The following TRAPPC9 variants were observed in gnomAD, a reference collection of about 807,000 sequenced individuals.
TRAPPC9 encodes the protein trafficking protein particle complex subunit 9, also known as IKK2 binding protein.
TRAPPC9 carries 83 observed loss-of-function variants against 124.0 expected under a neutral mutation model. The ratio of observed to expected loss-of-function variants is 0.67; its 90% CI spans 0.56 to 0.80. The LOEUF (loss-of-function observed/expected upper bound fraction) is 0.80, where lower values mean the gene tolerates loss of function less well. Ranked by LOEUF, TRAPPC9 falls within the 30% of genes least tolerant of loss-of-function variation. TRAPPC9 has a pLI of 0.00. For synonymous variants in TRAPPC9, 638 were observed against 617.5 expected, an observed-to-expected ratio of 1.03 and a Z score of -0.49; for missense variants, 1,302 against 1,508.3, an observed-to-expected ratio of 0.86 and a Z score of 2.27.
intron 21 of TRAPPC9, among the ~76,000 whole-genome samples, chr8:139,733,574 T>G (rs1013503621): frequency 1.3e-5 from 2 of 152,164 alleles, no homozygotes; most frequent in African/African-American, 4.8e-5. Flanking sequence ...TGCGTGGCCC[T>G]GGGAGCCAGC....
At chr8:140,110,744 TCCCCCTACAGTA>T (rs2130494323) in intron 17 of TRAPPC9, among the ~76,000 whole-genome samples, 1 of 7,792 alleles carries the variant, frequency 1.3e-4, no homozygotes, top group African/African-American at 6.2e-4. Context: ...CCCCTTATGC[TCCCCCTACAGTA>T]GCTCCCCCTG....
chr8:140,370,065 A>T (rs1427326648), intron 8 of TRAPPC9, among the ~76,000 whole-genome samples: 2 of 152,002 alleles, frequency 1.3e-5, no homozygotes, highest in Non-Finnish European at 1.5e-5. Flanking sequence ...TACCTTCACT[A>T]GCTCTAGGCT....
intron 17 of TRAPPC9, among the ~76,000 whole-genome samples, chr8:140,038,991 C>T (rs1169445163): frequency 1.3e-5 from 2 of 152,122 alleles, no homozygotes; most frequent in East Asian, 3.9e-4. Flanking sequence ...AGGAGCGGAG[C>T]GAGAAGGGGC....
intron 9 of TRAPPC9, among the ~76,000 whole-genome samples, chr8:140,350,264 C>T (rs1019644569): frequency 6.6e-6 from 1 of 152,228 alleles, no homozygotes; most frequent in Non-Finnish European, 1.5e-5. Flanking sequence ...TATTCAGCGA[C>T]GTCTGCTGCC....
chr8:139,894,568 G>A lies in TRAPPC9; in HGVS notation c.2965-8599C>T, dbSNP rs181128649. ...AGTGCCTGCAGCGGAGGGAGGGGGG[G>A]GCTGCTGCTTCTCTTTCCCTTGCAG... On this transcript the variant is annotated intron_variant, in intron 20 of 22. Transcript: ENST00000438773. Among the ~76,000 whole-genome samples the A allele has an allele frequency of 1.8e-4, 28 of 152,256 alleles. No individual in the cohort carries two copies. In the East Asian group the frequency reaches 4.5e-3, roughly 24 times the overall value.
intron 9 of TRAPPC9, among the ~76,000 whole-genome samples, chr8:140,319,420 G>A (rs938181261): frequency 4.0e-5 from 6 of 151,132 alleles, no homozygotes; most frequent in East Asian, 1.9e-4. Context: ...CTCCTGATCC[G>A]CCCACCTCAG....
In TRAPPC9 at chr8:140,182,202, T is replaced by G. The variant is rs2062220702; in HGVS notation, c.2556+39257A>C. ...CTTCAGGTACCCGGAAATCTTGCTT[T>G]CCAGTGCATACATTTATCCAAAAAT... On this transcript the variant is annotated intron_variant, in intron 17 of 22. Transcript: ENST00000438773. The surrounding 1 kb of genome is among the most constrained non-coding windows in gnomAD (Gnocchi z 4.0). 1.3e-5 allele frequency among the ~76,000 whole-genome samples: 2 copies of G among 152,192 alleles called. No homozygotes were observed. Among genetic ancestry groups the G allele is most frequent in the Non-Finnish European group, 2.9e-5 (2 of 68,036 alleles).
intron 9 of TRAPPC9, among the ~76,000 whole-genome samples, chr8:140,315,269 T>G (rs1271915410): frequency 6.7e-6 from 1 of 150,032 alleles, no homozygotes; most frequent in African/African-American, 2.5e-5. Context: ...CATGTGAGAT[T>G]TAAGGGCTGA....
chr8:140,079,216 C>T (rs1223025515), intron 17 of TRAPPC9, among the ~76,000 whole-genome samples: 1 of 152,122 alleles, frequency 6.6e-6, no homozygotes, highest in Non-Finnish European at 1.5e-5. Context: ...ACTGTGAGTC[C>T]ATTAAACCTC....
chr8:139,935,144 G>T (rs1034066122), intron 19 of TRAPPC9, among the ~76,000 whole-genome samples: 1 of 152,188 alleles, frequency 6.6e-6, no homozygotes, highest in Non-Finnish European at 1.5e-5. Context: ...GAGAGAAGGT[G>T]CATGGTGAAT....
intron 9 of TRAPPC9, among the ~76,000 whole-genome samples, chr8:140,336,401 T>G (rs994456363): frequency 6.6e-6 from 1 of 152,156 alleles, no homozygotes; most frequent in Non-Finnish European, 1.5e-5. Flanking sequence ...AGACAGCTGA[T>G]GTGAACAGGG....
intron 14 of TRAPPC9, among the ~76,000 whole-genome samples, chr8:140,278,143 G>A (rs28474683): frequency 0.27 from 41,462 of 151,014 alleles, 6,768 homozygotes; most frequent in Non-Finnish European, 0.36. Flanking sequence ...TCGCTCTGTC[G>A]CTCAGGCTGG....
chr8:140,407,994 T>C (rs1355471056), intron 5 of TRAPPC9, among the ~76,000 whole-genome samples: 1 of 152,090 alleles, frequency 6.6e-6, no homozygotes, highest in Admixed American at 6.5e-5. Context: ...ATATAAACCA[T>C]AGGAAAATAA....
chr8:139,896,343 T>C (rs994516979), intron 20 of TRAPPC9, among the ~76,000 whole-genome samples: 18 of 152,230 alleles, frequency 1.2e-4, no homozygotes, highest in African/African-American at 4.3e-4. Context: ...ACAATAGTAG[T>C]TCCTATCATT....
intron 16 of TRAPPC9, among the ~76,000 whole-genome samples, chr8:140,245,464 G>GGTGTGT (rs35366571): frequency 0.015 from 2,268 of 150,200 alleles, 50 homozygotes; most frequent in African/African-American, 0.052. Context: ...TTTGTTTTGT[G>GGTGTGT]GTGTGTGTGT....
chr8:139,938,237 C>T lies in TRAPPC9; in HGVS notation c.2811-27937G>A, dbSNP rs533854454. Reference sequence around the variant, plus strand: ...TGTGTCAACTCAGCCGTCCCTATGCCGAAATCAGATAGAAAACCACACAGT... The same window carrying T: ...TGTGTCAACTCAGCCGTCCCTATGCTGAAATCAGATAGAAAACCACACAGT... On this transcript the variant is annotated intron_variant, in intron 19 of 22. Coordinates refer to ENST00000438773, the MANE Select transcript of TRAPPC9 (RefSeq NM_001160372.4). Among the ~76,000 whole-genome samples, 54 of 152,312 alleles carry T rather than the reference C, an allele frequency of 3.5e-4. No homozygotes were observed. The East Asian group carries it at 6.9e-3, about 20-fold the overall frequency.
intron 2 of TRAPPC9, among the ~76,000 whole-genome samples, chr8:140,446,168 C>T (rs1231006637): frequency 1.3e-5 from 2 of 151,928 alleles, no homozygotes; most frequent in African/African-American, 4.8e-5. Flanking sequence ...GTGGCACATG[C>T]CTGTAATCCC....
At chr8:139,810,753 C>A (rs1824384670) in intron 21 of TRAPPC9, among the ~76,000 whole-genome samples, 1 of 152,120 alleles carries the variant, frequency 6.6e-6, no homozygotes, top group South Asian at 2.1e-4. Flanking sequence ...GATGTGGCTC[C>A]CTGAATGCTG....
rs1563738740 is a variant in TRAPPC9, at chr8:140,072,527, AGG to A, written c.2557-48450_2557-48449del. 2.4e-3 allele frequency among the ~76,000 whole-genome samples: 301 copies of A among 127,580 alleles called. 3 individuals carry two copies. Among genetic ancestry groups the A allele is most frequent in the South Asian group, 0.013 (47 of 3,736 alleles). 83.7% of individuals were successfully genotyped at this position (127,580 alleles called of 152,430 possible). On this transcript the variant is annotated intron_variant, in intron 17 of 22. Coordinates refer to ENST00000438773, the MANE Select transcript of TRAPPC9 (RefSeq NM_001160372.4). ...AGCGAGACTCCGTCTCAAAAAAAAA[AGG>A]AGGAGGAGGAGGAGGAGGAAGAGGA...
Sources: gnomAD v4.1 joint callset for allele counts (sites outside exome capture counted in the v4.1 genomes callset) on GRCh38, gnomAD v4.1.1 for gene constraint, Gnocchi (gnomAD v3.1) non-coding constraint, MANE v1.5 for transcripts, NCBI Gene and HGNC (gene_info 2026-07-23, HGNC 2026-07-21) for gene names.